Variants in NPHP4 observed in about 807,000 individuals in gnomAD.
The protein encoded by NPHP4 is nephrocystin 4, also known as nephrocystin-4.
NPHP4 carries 151 observed loss-of-function variants against 155.8 expected under a neutral mutation model. The observed-to-expected ratio is 0.97, with a 90% CI of 0.85 to 1.11. The LOEUF is 1.11. Ranked by LOEUF, NPHP4 falls within the 50% of genes least tolerant of loss-of-function variation. NPHP4 has a pLI of 0.00. For synonymous variants in NPHP4, 845 were observed against 816.8 expected (o/e 1.03, Z -0.59); for missense variants, 1,956 against 1,925.7 (o/e 1.02, Z -0.29).
chr1:5,952,221 T>G (rs935454384), intron 7 of NPHP4, among the ~76,000 whole-genome samples: 1 of 152,212 alleles, frequency 6.6e-6, no homozygotes, highest in Non-Finnish European at 1.5e-5. Flanking sequence ...TGACCGAGGC[T>G]TCCAGCCACC....
rs570948968 is a variant in NPHP4, at chr1:5,879,200, C to T, written c.2611+914G>A. The T allele has an allele frequency of 7.5e-5, 17 of 228,040 alleles. No individual in the cohort carries two copies. In the South Asian group the frequency reaches 9.6e-4, roughly 13 times the overall value. 14.1% of individuals were successfully genotyped at this position (228,040 alleles called of 1,614,324 possible). Reference sequence around the variant, plus strand: ...TCCCACCTCTAACAAGCCACAGCTCCAAGGCCCAGCAACACACAAAAGCGC... The same window carrying T: ...TCCCACCTCTAACAAGCCACAGCTCTAAGGCCCAGCAACACACAAAAGCGC... On this transcript the variant is annotated intron_variant, in intron 19 of 29. Coordinates refer to ENST00000378156, the MANE Select transcript of NPHP4 (RefSeq NM_015102.5).
In NPHP4 at chr1:5,905,748, C is replaced by T. The variant is rs773452968; in HGVS notation, c.1647G>A (p.Leu549=). The T allele has an allele frequency of 2.5e-6, 4 of 1,612,302 alleles. No individual in the cohort carries two copies. Among genetic ancestry groups the T allele is most frequent in the Admixed American group, 1.7e-5 (1 of 59,788 alleles). Residue 549 remains leucine (L), a synonymous_variant, in exon 14 of 30, where the codon CTG becomes CTA. Coordinates refer to ENST00000378156, the MANE Select transcript of NPHP4 (RefSeq NM_015102.5). This position sits in a 1 kb window ranked among gnomAD's most constrained non-coding sequence, Gnocchi z 4.0. ...GGGAGGTCTGGCTCAGGTCGGCTTC[C>T]AGGTGGGAGATACCGGCCTCCAACG... ...EFPLEAGISH[L]EADLSQTSLV...
rs113413307 is a variant in NPHP4 at position 5,905,690 on chromosome 1, G to T, written c.1705C>A (p.Gln569Lys). The change falls in exon 14 of 30, where the codon CAG becomes AAG. Residue 569 changes from glutamine (Q) to lysine (K), a missense_variant. Physicochemically the swap from Gln to Lys is moderately conservative, Grantham distance 53. Transcript: ENST00000378156. This position sits in a 1 kb window ranked among gnomAD's most constrained non-coding sequence, Gnocchi z 4.0. ...TGCAAAGGCGTGAACGGCAGCTCCT[G>T]TAACTGTTCGGCAATGGATGTTTCC... ...VLETSIAEQL[Q>K]ELPFTPLHAP... 3.7e-6 allele frequency: 6 copies of T among 1,613,934 alleles called. No individual in the cohort carries two copies. In the South Asian group the frequency reaches 6.6e-5, roughly 18 times the overall value.
Position 5,892,256 on chromosome 1 carries a change from G to A in NPHP4, c.2144-1228C>T, listed in dbSNP as rs571992054. 2.2e-3 allele frequency among the ~76,000 whole-genome samples: 329 copies of A among 152,298 alleles called. 2 individuals carry two copies. Among genetic ancestry groups the A allele is most frequent in the Non-Finnish European group, 3.5e-3 (241 of 68,014 alleles). The stretch of plus-strand genomic sequence containing the variant: ...TTTCTGCATTTCCAACTGAGGTACC[G>A]GGATCATCCCACTGGGGCTTGTCGG... On this transcript the variant is annotated intron_variant, in intron 16 of 29. Transcript: ENST00000378156. The surrounding 1 kb of genome is among the most constrained non-coding windows in gnomAD (Gnocchi z 4.5).
rs548012002 is a variant in NPHP4, at chr1:5,898,125, G to A, written c.2143+6492C>T. Among the ~76,000 whole-genome samples the A allele has an allele frequency of 3.7e-3, 571 of 152,326 alleles. 1 individual carries two copies. The highest frequency in any genetic ancestry group is 0.013 in the African/African-American group (524 of 41,572). On this transcript the variant is annotated intron_variant, in intron 16 of 29. Transcript: ENST00000378156. ...GGAGAGGAAATGGACCGCGTTCTTT[G>A]GAAGAACAGATGCTCTTGGCTGATC...
chr1:5,880,578 A>T, intron 18 of NPHP4: 1 of 306,678 alleles, frequency 3.3e-6, no homozygotes, highest in Non-Finnish European at 6.3e-6. Flanking sequence ...ACAAACTCTA[A>T]CCTCGGCCTC....
chr1:5,868,002 C>T, intron 23 of NPHP4, 106 bp from the exon 24 acceptor site: 1 of 1,221,104 alleles, frequency 8.2e-7, no homozygotes, highest in Non-Finnish European at 1.2e-6. Context: ...AAGACCCCCT[C>T]ACCCTCCACT....
chr1:5,928,349 A>C (rs1236284629), intron 10 of NPHP4, among the ~76,000 whole-genome samples: 1 of 152,268 alleles, frequency 6.6e-6, no homozygotes. Context: ...TTCATTTAGC[A>C]TAAGACTGAG....
chr1:5,876,900 A>C (rs1236720245), intron 20 of NPHP4, 193 bp downstream of exon 20: 1 of 425,128 alleles, frequency 2.4e-6, no homozygotes, highest in African/African-American at 2.0e-5. Flanking sequence ...ACTGGCTTTT[A>C]TTAAAAGCTC....
intron 11 of NPHP4, among the ~76,000 whole-genome samples, chr1:5,921,741 T>C (rs1645750394): frequency 6.6e-6 from 1 of 152,254 alleles, no homozygotes. Flanking sequence ...CTTCTTTCTA[T>C]AATCTTTCCT....
Position 5,952,759 on chromosome 1 carries a change from A to T in NPHP4, c.751T>A (p.Ser251Thr). The change falls in exon 7 of 30, where the codon TCC (serine) becomes ACC (threonine). Residue 251 changes from serine to threonine, a missense_variant. Ser to Thr is a moderately conservative substitution (Grantham distance 58). Coordinates refer to ENST00000378156, the MANE Select transcript of NPHP4 (RefSeq NM_015102.5). ...LDDLFFTLYPSLEKFEEELLE... is the reference protein window; with the variant it reads ...LDDLFFTLYPTLEKFEEELLE... ...AGCTCTTCCTCAAACTTCTCCAGGG[A>T]GGGGTACAGGGTGAAGAATAAGTCA... 1 of 1,575,926 alleles carries T rather than the reference A, an allele frequency of 6.3e-7. No homozygotes were observed. The highest frequency in any genetic ancestry group is 8.6e-7 in the Non-Finnish European group (1 of 1,160,508).
chr1:5,950,138 A>C (rs1647690962), intron 7 of NPHP4, among the ~76,000 whole-genome samples: 1 of 152,190 alleles, frequency 6.6e-6, no homozygotes, highest in Admixed American at 6.5e-5. Context: ...GCCGAGAAGC[A>C]ATGAATTTAT....
chr1:5,986,434 C>G, intron 1 of NPHP4, 107 bp from the exon 2 acceptor site: 1 of 896,030 alleles, frequency 1.1e-6, no homozygotes, highest in South Asian at 1.9e-5. Context: ...ACCTCCATCC[C>G]CCAAACCCAC....
intron 9 of NPHP4, among the ~76,000 whole-genome samples, chr1:5,940,161 G>A (rs1313910546): frequency 6.6e-6 from 1 of 152,180 alleles, no homozygotes; most frequent in Non-Finnish European, 1.5e-5. Flanking sequence ...AACCAGGGCT[G>A]GGAGGTGGAG....
chr1:5,872,488 T>C (rs1642105863), intron 23 of NPHP4, among the ~76,000 whole-genome samples: 1 of 152,224 alleles, frequency 6.6e-6, no homozygotes, highest in Non-Finnish European at 1.5e-5. Flanking sequence ...AAAGATCAGA[T>C]ACATTCCTTA....
At chr1:5,913,993 A>C (rs1436152056) in intron 11 of NPHP4, among the ~76,000 whole-genome samples, 1 of 152,172 alleles carries the variant, frequency 6.6e-6, no homozygotes, top group Non-Finnish European at 1.5e-5. Flanking sequence ...CCGCAAAGTA[A>C]GTACACTGGG....
chr1:5,906,626 C>T (rs9628989), intron 13 of NPHP4, among the ~76,000 whole-genome samples: 21,785 of 152,292 alleles, frequency 0.14, 1,871 homozygotes, highest in Non-Finnish European at 0.2. Flanking sequence ...GGTGAACCAG[C>T]CGACTTTGGA....
intron 23 of NPHP4, among the ~76,000 whole-genome samples, chr1:5,868,808 A>G (rs1299433216): frequency 6.7e-6 from 1 of 148,246 alleles, no homozygotes; most frequent in Non-Finnish European, 1.5e-5. Context: ...ATACATGCAC[A>G]CACATCCACC....
At chr1:5,918,969 G>A (rs1645603359) in intron 11 of NPHP4, among the ~76,000 whole-genome samples, 1 of 152,210 alleles carries the variant, frequency 6.6e-6, no homozygotes, top group Non-Finnish European at 1.5e-5. Flanking sequence ...TCTGGATTAT[G>A]ACATAAGAGA....
Sources: allele counts gnomAD v4.1 joint callset (sites outside exome capture counted in the v4.1 genomes callset), GRCh38; gene constraint gnomAD v4.1.1; non-coding constraint Gnocchi (gnomAD v3.1); transcripts MANE v1.5; gene names NCBI Gene and HGNC (gene_info 2026-07-23, HGNC 2026-07-21).